The following DIAPH1 variants were observed in gnomAD, a reference collection of about 807,000 sequenced individuals.
DIAPH1 encodes diaphanous related formin 1.
In DIAPH1, 46 loss-of-function variants were observed where a neutral mutation model predicts 140.7. That is an observed-to-expected ratio of 0.33 (90% CI 0.26 to 0.42). DIAPH1 has a LOEUF of 0.42. DIAPH1 is among the 10% of genes least tolerant of loss of function. The pLI is 1.00. For synonymous variants in DIAPH1, 565 were observed against 551.6 expected (o/e 1.02, Z -0.34); for missense variants, 1,310 against 1,558.7 (o/e 0.84, Z 2.69).
At chr5:141,542,506 A>G (rs1385593434) in intron 18 of DIAPH1, among the ~76,000 whole-genome samples, 1 of 152,188 alleles carries the variant, frequency 6.6e-6, no homozygotes, top group Non-Finnish European at 1.5e-5. Flanking sequence ...GCAATGGAAT[A>G]TTATTCTGCC....
intron 1 of DIAPH1, among the ~76,000 whole-genome samples, chr5:141,598,440 CA>C (rs1185152593): frequency 6.6e-6 from 1 of 152,100 alleles, no homozygotes; most frequent in Non-Finnish European, 1.5e-5. Context: ...TTACTTAAAT[CA>C]ATACAAATTG....
intron 1 of DIAPH1, among the ~76,000 whole-genome samples, chr5:141,596,126 G>A (rs569338424): frequency 6.6e-6 from 1 of 152,120 alleles, no homozygotes; most frequent in African/African-American, 2.4e-5. Context: ...TCAGGAGATC[G>A]AGACCATCCT....
At chr5:141,545,724 A>G (rs2099890693) in intron 18 of DIAPH1, among the ~76,000 whole-genome samples, 1 of 152,240 alleles carries the variant, frequency 6.6e-6, no homozygotes, top group African/African-American at 2.4e-5. Context: ...AAGAAATTCC[A>G]TAAACAGACA....
intron 18 of DIAPH1, among the ~76,000 whole-genome samples, chr5:141,540,117 G>GT (rs993819505): frequency 1.3e-5 from 2 of 151,150 alleles, no homozygotes; most frequent in Non-Finnish European, 3.0e-5. Flanking sequence ...GCATAAGGTT[G>GT]TTTTTTTTCT....
At chr5:141,579,767 G>C (rs2099896471) in intron 8 of DIAPH1, among the ~76,000 whole-genome samples, 4 of 152,080 alleles carry the variant, frequency 2.6e-5, no homozygotes, top group Non-Finnish European at 5.9e-5. Flanking sequence ...GGCCAATAGG[G>C]AGAAACCCCA....
In DIAPH1 at chr5:141,618,960, G is replaced by C; in HGVS notation, c.-46C>G. The C allele has an allele frequency of 8.6e-7, 1 of 1,159,730 alleles. No individual in the cohort carries two copies. Among genetic ancestry groups the C allele is most frequent in the South Asian group, 1.8e-5 (1 of 56,222 alleles). The allele number at this position is 1,159,730 out of a possible 1,614,324, so 71.8% of individuals were successfully genotyped here. A position where few individuals can be genotyped will look rare whatever the true frequency, so the allele number is the denominator to read the frequency against. On this transcript the variant is annotated 5_prime_UTR_variant, in exon 1 of 28. Transcript: ENST00000389054. Reference sequence around the variant, plus strand: ...GCGACCCCGCGCCTACGCCGCTCCCGCCTGGCAGCTCCGCGCCCGCCGCCG... The same window carrying C: ...GCGACCCCGCGCCTACGCCGCTCCCCCCTGGCAGCTCCGCGCCCGCCGCCG...
Position 141,588,531 on chromosome 5 carries a change from C to T in DIAPH1, c.118-281G>A, listed in dbSNP as rs1460609589. Among the ~76,000 whole-genome samples the T allele has an allele frequency of 2.6e-4, 39 of 151,372 alleles. 1 individual carries two copies. The highest frequency in any genetic ancestry group is 2.1e-4 in the South Asian group (1 of 4,790). On this transcript the variant is annotated intron_variant, in intron 1 of 27. Transcript: ENST00000389054. ...CTGAACAGAATCCGAATCTGATGAC[C>T]GATACACTTATAAGATATGCTCAAC...
intron 18 of DIAPH1, among the ~76,000 whole-genome samples, chr5:141,568,485 C>A (rs1162394819): frequency 6.6e-6 from 1 of 152,102 alleles, no homozygotes; most frequent in Non-Finnish European, 1.5e-5. Context: ...TAAGTAAATA[C>A]CTCATTTATG....
chr5:141,564,899 A>C (rs2099894140), intron 18 of DIAPH1: 1 of 152,234 alleles, frequency 6.6e-6, no homozygotes, highest in Non-Finnish European at 1.5e-5. Flanking sequence ...TCAGACTAAA[A>C]CAACATATCA....
chr5:141,553,619 G>C (rs2099892091), intron 18 of DIAPH1, among the ~76,000 whole-genome samples: 1 of 151,482 alleles, frequency 6.6e-6, no homozygotes, highest in Admixed American at 6.6e-5. Flanking sequence ...CTCCAGCCTG[G>C]GCAACAAGAG....
intron 1 of DIAPH1, among the ~76,000 whole-genome samples, chr5:141,599,995 G>A (rs2099899902): frequency 1.3e-5 from 2 of 152,028 alleles, no homozygotes; most frequent in Admixed American, 1.3e-4. Context: ...CCCAAGTAGT[G>A]GGGCCTACAG....
chr5:141,613,232 C>T (rs1197799442), intron 1 of DIAPH1, among the ~76,000 whole-genome samples: 1 of 152,160 alleles, frequency 6.6e-6, no homozygotes, highest in East Asian at 1.9e-4. Flanking sequence ...GTTCTATCCC[C>T]CGCCTTGGAG....
intron 18 of DIAPH1, among the ~76,000 whole-genome samples, chr5:141,553,617 T>C (rs2099892090): frequency 6.6e-6 from 1 of 151,842 alleles, no homozygotes; most frequent in African/African-American, 2.4e-5. Context: ...CACTCCAGCC[T>C]GGGCAACAAG....
intron 18 of DIAPH1, among the ~76,000 whole-genome samples, chr5:141,544,338 GAAAA>G (rs375476651): frequency 0.011 from 1,668 of 151,932 alleles, 20 homozygotes; most frequent in Non-Finnish European, 0.018. Flanking sequence ...AATAAAGAAA[GAAAA>G]GAATACAAAA....
intron 26 of DIAPH1, 146 bp from the exon 27 acceptor site, chr5:141,524,375 CCTTAAGT>C: frequency 1.3e-6 from 1 of 754,088 alleles, no homozygotes; most frequent in Non-Finnish European, 2.3e-6. Context: ...GAGAGCTCAG[CCTTAAGT>C]CTCACACGCT....
chr5:141,547,562 A>C (rs924795166), intron 18 of DIAPH1, among the ~76,000 whole-genome samples: 4 of 152,204 alleles, frequency 2.6e-5, no homozygotes, highest in African/African-American at 9.6e-5. Flanking sequence ...TGGGTTTAAC[A>C]GTAGACATAG....
At chr5:141,607,741 T>G (rs943103962) in intron 1 of DIAPH1, among the ~76,000 whole-genome samples, 1 of 152,222 alleles carries the variant, frequency 6.6e-6, no homozygotes, top group Non-Finnish European at 1.5e-5. Flanking sequence ...CAGCCACATA[T>G]TCACACCTAA....
At chr5:141,566,427 C>T (rs1265312532) in intron 18 of DIAPH1, among the ~76,000 whole-genome samples, 1 of 152,072 alleles carries the variant, frequency 6.6e-6, no homozygotes, top group Non-Finnish European at 1.5e-5. Context: ...TAGATGACAA[C>T]ATGAAGAGAA....
In DIAPH1 at chr5:141,579,131, G is replaced by A. The variant is rs201927388; in HGVS notation, c.890C>T (p.Pro297Leu). 3.7e-6 allele frequency: 6 copies of A among 1,613,906 alleles called. No individual in the cohort carries two copies. The highest frequency in any genetic ancestry group is 2.7e-5 in the African/African-American group (2 of 74,890). ...TCCACTTTTTAATCCATCCAGCAGC[G>A]GCTGGAAACGTTCCACTTCATCCAT... ...AEMDEVERFQ[P>L]LLDGLKSGTT... is the part of the protein sequence containing the mutation. Residue 297 changes from proline (P) to leucine (L), a missense_variant, in exon 9 of 28, where the codon CCG (proline) becomes CTG (leucine). Coordinates refer to ENST00000389054, the MANE Select transcript of DIAPH1 (RefSeq NM_005219.5).
Sources: allele counts gnomAD v4.1 joint callset (sites outside exome capture counted in the v4.1 genomes callset), GRCh38; gene constraint gnomAD v4.1.1; transcripts MANE v1.5; gene names NCBI Gene and HGNC (gene_info 2026-07-23, HGNC 2026-07-21).